TMEM273: variants seen among roughly 807,000 people sequenced by gnomAD.
TMEM273 encodes transmembrane protein 273, also known as chromosome 10 open reading frame 128.
In TMEM273, 19 loss-of-function variants were observed where a neutral mutation model predicts 17.9. That is an observed-to-expected ratio of 1.06 (90% confidence interval 0.74 to 1.55). TMEM273 has a LOEUF of 1.55. Ranked by LOEUF, TMEM273 falls within the 40% of genes most tolerant of loss-of-function variation. The pLI, the probability that TMEM273 is intolerant of heterozygous loss-of-function variation, is 0.00. For missense variants in TMEM273, 194 were observed against 155.6 expected, an observed-to-expected ratio of 1.25 and a Z score of -1.31; for synonymous variants, 66 against 62.0, an observed-to-expected ratio of 1.07 and a Z score of -0.31.
At chr10:49,161,677 C>T in intron 5 of TMEM273, 55 bp from the exon 6 acceptor site, 1 of 1,610,370 alleles carries the variant, frequency 6.2e-7, no homozygotes, top group African/African-American at 1.3e-5. Context: ...GCCAGAAAGA[C>T]AATGCAAAAC....
chr10:49,159,803 T>A (rs1367664453), intron 6 of TMEM273, among the ~76,000 whole-genome samples: 1 of 151,964 alleles, frequency 6.6e-6, no homozygotes, highest in East Asian at 1.9e-4. Context: ...TGGGAGCAGG[T>A]CAAGGTGAGC....
At chr10:49,187,505 G>A (rs1281817372) in intron 1 of TMEM273, among the ~76,000 whole-genome samples, 3 of 152,158 alleles carry the variant, frequency 2.0e-5, no homozygotes, top group East Asian at 1.9e-4. Flanking sequence ...TATGAGGGAC[G>A]TATGCTGCCT....
At chr10:49,157,932 G>A (rs1845611089) in intron 6 of TMEM273, among the ~76,000 whole-genome samples, 1 of 152,164 alleles carries the variant, frequency 6.6e-6, no homozygotes, top group Admixed American at 6.5e-5. Context: ...TCAAGGGACG[G>A]AGAAGAAAAC....
chr10:49,180,643 C>T (rs1847286987), intron 1 of TMEM273, among the ~76,000 whole-genome samples: 1 of 152,044 alleles, frequency 6.6e-6, no homozygotes, highest in Non-Finnish European at 1.5e-5. Context: ...CCAGGACAAT[C>T]TCTATTTGAA....
chr10:49,166,742 T>C lies in TMEM273; in HGVS notation c.238+127A>G, dbSNP rs765262525. Reference sequence around the variant, plus strand: ...AGAGACAGAAACATGCAGAGGTCACTGCCTTCCTTTACAGCCTGTTGGGCT... The same window carrying C: ...AGAGACAGAAACATGCAGAGGTCACCGCCTTCCTTTACAGCCTGTTGGGCT... On this transcript the variant is annotated intron_variant, in intron 3 of 6. Transcript: ENST00000374153. 12 of 1,409,464 alleles carry C rather than the reference T, an allele frequency of 8.5e-6. No homozygotes were observed. In the Admixed American group the frequency reaches 1.5e-4, roughly 18 times the overall value. The allele number at this position is 1,409,464 out of a possible 1,614,324, so 87.3% of individuals were successfully genotyped here.
Position 49,154,767 on chromosome 10 carries a change from C to G in TMEM273, c.*1125G>C, listed in dbSNP as rs925668181. ...ACAAGATGGTTTATTTTATCCTACA[C>G]ACAGAAAATTGCTTATGAGTATCAC... On this transcript the variant is annotated 3_prime_UTR_variant, in exon 7 of 7. Transcript: ENST00000374153. The G allele has an allele frequency of 6.6e-6, 1 of 152,186 alleles. No individual in the cohort carries two copies. Among genetic ancestry groups the G allele is most frequent in the African/African-American group, 2.4e-5 (1 of 41,434 alleles). The allele number at this position is 152,186 out of a possible 1,614,324, so 9.4% of individuals were successfully genotyped here.
chr10:49,159,622 C>T (rs1845715891), intron 6 of TMEM273, among the ~76,000 whole-genome samples: 1 of 152,118 alleles, frequency 6.6e-6, no homozygotes, highest in East Asian at 1.9e-4. Context: ...GAAGCAATGA[C>T]ACCTCAGTAG....
chr10:49,183,317 T>C (rs1396802401), intron 1 of TMEM273, among the ~76,000 whole-genome samples: 1 of 151,930 alleles, frequency 6.6e-6, no homozygotes, highest in Non-Finnish European at 1.5e-5. Context: ...AACTCCATGG[T>C]ATACAAAATT....
intron 1 of TMEM273, chr10:49,178,283 A>G (rs1445404559): frequency 2.2e-6 from 1 of 457,198 alleles, no homozygotes; most frequent in South Asian, 1.5e-5. Context: ...ATGGCACGCC[A>G]CCTGTCCCAT....
In TMEM273 at chr10:49,162,419, T is replaced by C. The variant is rs116041788; in HGVS notation, c.349-797A>G. Among the ~76,000 whole-genome samples, 381 of 152,272 alleles carry C rather than the reference T, an allele frequency of 2.5e-3. 1 individual carries two copies. The highest frequency in any genetic ancestry group is 8.5e-3 in the African/African-American group (353 of 41,554). ...AAGGATCGAGCTTTGTGAAATTTCA[T>C]TCTATGTGAAGTCCGTGGCTAAGAT... On this transcript the variant is annotated intron_variant, in intron 5 of 6. Coordinates refer to ENST00000374153, the MANE Select transcript of TMEM273 (RefSeq NM_001288740.3).
At chr10:49,174,683 G>A (rs140155022) in intron 1 of TMEM273, among the ~76,000 whole-genome samples, 98 of 152,278 alleles carry the variant, frequency 6.4e-4, no homozygotes, top group African/African-American at 2.3e-3. Context: ...AGGAACACAC[G>A]GGAAAAAGGT....
chr10:49,156,311 C>T (rs1845505068), intron 6 of TMEM273: 4 of 1,295,528 alleles, frequency 3.1e-6, no homozygotes, highest in African/African-American at 1.5e-5. Context: ...GAAAATAATG[C>T]CTTCACATCT....
chr10:49,157,222 C>T (rs1042280152), intron 6 of TMEM273, among the ~76,000 whole-genome samples: 1 of 152,216 alleles, frequency 6.6e-6, no homozygotes, highest in African/African-American at 2.4e-5. Context: ...GCTGAGCTAC[C>T]TTATGGATGA....
chr10:49,168,191 A>G (rs1018420196), intron 1 of TMEM273, among the ~76,000 whole-genome samples: 3 of 152,140 alleles, frequency 2.0e-5, no homozygotes, highest in African/African-American at 7.2e-5. Flanking sequence ...GCCGTTCAGC[A>G]CAGTTTCCAA....
At position 49,165,776 on chromosome 10, in the gene TMEM273, T is replaced by C. The variant is rs762542092; in HGVS notation, c.259A>G (p.Arg87Gly). The C allele has an allele frequency of 1.2e-6, 2 of 1,614,178 alleles. No homozygotes were observed. Among genetic ancestry groups the C allele is most frequent in the Non-Finnish European group, 1.7e-6 (2 of 1,180,022 alleles). The change falls in exon 4 of 7, where the codon AGA becomes GGA. Residue 87 changes from arginine (R) to glycine (G), a missense_variant. Physicochemically the swap from Arg to Gly is moderately radical, Grantham distance 125. Coordinates refer to ENST00000374153, the MANE Select transcript of TMEM273 (RefSeq NM_001288740.3). ...GGGCAGTGACCTTACCTTGGGGCTC[T>C]CTTCTTTAGCGGGATGGTGTCTAAA... ...GLSDTIPLKK[R>G]APRKLQASTL...
chr10:49,173,298 C>T (rs930903375), intron 1 of TMEM273, among the ~76,000 whole-genome samples: 3 of 152,194 alleles, frequency 2.0e-5, no homozygotes, highest in Non-Finnish European at 4.4e-5. Flanking sequence ...CAAAGGAGTC[C>T]TAATGACTTC....
chr10:49,185,196 CAG>C (rs1847588147), intron 1 of TMEM273, among the ~76,000 whole-genome samples: 1 of 152,178 alleles, frequency 6.6e-6, no homozygotes, highest in South Asian at 2.1e-4. Context: ...TTTGGTAATT[CAG>C]AGTGTTGGCT....
chr10:49,165,920 G>A (rs1391092016), intron 3 of TMEM273, 124 bp from the exon 4 acceptor site: 7 of 1,241,296 alleles, frequency 5.6e-6, no homozygotes, highest in Middle Eastern at 2.0e-4. Context: ...GAGACCCGGG[G>A]CCTGGCTGCT....
intron 1 of TMEM273, 88 bp from the exon 2 acceptor site, chr10:49,168,050 C>T (rs1310243045): frequency 1.3e-6 from 2 of 1,516,832 alleles, no homozygotes; most frequent in African/African-American, 2.7e-5. Context: ...GAAAGCCTAC[C>T]CCATGTACCC....
Sources: gnomAD v4.1 joint callset for allele counts (sites outside exome capture counted in the v4.1 genomes callset) on GRCh38, gnomAD v4.1.1 for gene constraint, MANE v1.5 for transcripts, NCBI Gene and HGNC (gene_info 2026-07-23, HGNC 2026-07-21) for gene names.